NECAB1: variants seen among roughly 807,000 people sequenced by gnomAD.
NECAB1 encodes the protein N-terminal EF-hand calcium-binding protein 1.
Under a neutral mutation model 57.5 loss-of-function variants are expected in NECAB1, and 29 were observed. The ratio of observed to expected loss-of-function variants is 0.50; its 90% confidence interval spans 0.38 to 0.69. The LOEUF is 0.69. NECAB1 is among the 30% of genes least tolerant of loss of function. NECAB1 has a pLI of 0.00. For synonymous variants in NECAB1, 142 were observed against 147.7 expected (o/e 0.96, Z 0.28); for missense variants, 372 against 413.8 (o/e 0.90, Z 0.88).
At chr8:90,901,235 T>TAA (rs34105450) in intron 5 of NECAB1, among the ~76,000 whole-genome samples, 24,250 of 144,756 alleles carry the variant, frequency 0.17, 3,248 homozygotes, top group African/African-American at 0.38. Context: ...GTCTCTCTGT[T>TAA]AAAAAAAAAA....
At chr8:90,891,839 A>T (rs1355622127) in intron 5 of NECAB1, among the ~76,000 whole-genome samples, 1 of 151,972 alleles carries the variant, frequency 6.6e-6, no homozygotes, top group Non-Finnish European at 1.5e-5. Context: ...GACCACAGGA[A>T]CACACCACTG....
chr8:90,928,096 TA>T, intron 7 of NECAB1, 126 bp from the exon 8 acceptor site: 3 of 706,296 alleles, frequency 4.2e-6, no homozygotes, highest in South Asian at 1.8e-5. Flanking sequence ...GAATACATTT[TA>T]AAAAAATGAC....
intron 1 of NECAB1, among the ~76,000 whole-genome samples, chr8:90,796,619 G>A (rs77342955): frequency 6.6e-6 from 1 of 152,148 alleles, no homozygotes; most frequent in Non-Finnish European, 1.5e-5. Flanking sequence ...TTGAATTGTA[G>A]CGAAAACACA....
rs922146489 is a variant in NECAB1 at position 90,844,286 on chromosome 8, G to A, written c.233+19461G>A. ...CACTTGACCTTTGGTTAGTAGTTGA[G>A]GTAGGTCCCTGCACTTCCTCCTTTC... On this transcript the variant is annotated intron_variant, in intron 3 of 12. Transcript: ENST00000417640. 5.9e-5 allele frequency among the ~76,000 whole-genome samples: 9 copies of A among 152,212 alleles called. No homozygotes were observed. In the South Asian group the frequency reaches 8.3e-4, roughly 14 times the overall value.
chr8:90,844,021 CAGGT>C (rs1375246286), intron 3 of NECAB1, among the ~76,000 whole-genome samples: 1 of 152,148 alleles, frequency 6.6e-6, no homozygotes, highest in African/African-American at 2.4e-5. Flanking sequence ...TCATGAAACT[CAGGT>C]GGGTAGAAAA....
intron 5 of NECAB1, among the ~76,000 whole-genome samples, chr8:90,904,395 G>A (rs1487463829): frequency 6.6e-6 from 1 of 151,566 alleles, no homozygotes; most frequent in Admixed American, 6.6e-5. Context: ...GGAGAAATGA[G>A]CAAGATATAA....
chr8:90,948,129 G>A (rs1810851608), intron 10 of NECAB1, among the ~76,000 whole-genome samples: 1 of 152,062 alleles, frequency 6.6e-6, no homozygotes, highest in South Asian at 2.1e-4. Flanking sequence ...GTTATGTTTG[G>A]GGATTACATC....
intron 5 of NECAB1, among the ~76,000 whole-genome samples, chr8:90,896,571 C>G (rs1563523287): frequency 6.6e-6 from 1 of 152,022 alleles, no homozygotes; most frequent in South Asian, 2.1e-4. Context: ...TGCCACTGCA[C>G]TCCAGCCTGG....
intron 6 of NECAB1, among the ~76,000 whole-genome samples, chr8:90,918,102 C>T (rs1439729227): frequency 2.0e-5 from 3 of 150,406 alleles, no homozygotes; most frequent in Admixed American, 6.6e-5. Flanking sequence ...CTCTGCCTCC[C>T]GGGTTCAAGC....
At chr8:90,955,126 A>T (rs1472899134) in intron 12 of NECAB1, among the ~76,000 whole-genome samples, 1 of 130,090 alleles carries the variant, frequency 7.7e-6, no homozygotes, top group South Asian at 2.4e-4. Flanking sequence ...ATATATATAT[A>T]TATATATATA....
In NECAB1 at chr8:90,800,900, A is replaced by T. The variant is rs116063631; in HGVS notation, c.100-791A>T. On this transcript the variant is annotated intron_variant, in intron 1 of 12. Transcript: ENST00000417640. ...CCTAGGCCAAGCATGTAGGAAATGT[A>T]GGCTTTCCAGAAGAACATTAGAAAT... 7.0e-3 allele frequency among the ~76,000 whole-genome samples: 1,059 copies of T among 152,322 alleles called. 13 individuals are homozygous for T. Among genetic ancestry groups the T allele is most frequent in the African/African-American group, 0.024 (1,005 of 41,572 alleles).
intron 2 of NECAB1, among the ~76,000 whole-genome samples, chr8:90,804,650 A>T (rs1811818073): frequency 6.6e-6 from 1 of 152,212 alleles, no homozygotes; most frequent in Non-Finnish European, 1.5e-5. Context: ...TTGTCAATTT[A>T]TGATAACAAT....
At chr8:90,887,971 T>C (rs1809049726) in intron 5 of NECAB1, among the ~76,000 whole-genome samples, 1 of 152,224 alleles carries the variant, frequency 6.6e-6, no homozygotes, top group Admixed American at 6.5e-5. Flanking sequence ...ACTGCTGGTG[T>C]ACCCCAAATC....
At chr8:90,824,400 T>G (rs1812191774) in intron 2 of NECAB1, among the ~76,000 whole-genome samples, 1 of 151,840 alleles carries the variant, frequency 6.6e-6, no homozygotes, top group South Asian at 2.1e-4. Flanking sequence ...GTTGAGCTCT[T>G]TATTTGGTTA....
chr8:90,815,466 T>C (rs1812045688), intron 2 of NECAB1, among the ~76,000 whole-genome samples: 1 of 152,006 alleles, frequency 6.6e-6, no homozygotes, highest in Non-Finnish European at 1.5e-5. Context: ...TTTTGGCAAA[T>C]GCATGTTATA....
intron 5 of NECAB1, among the ~76,000 whole-genome samples, chr8:90,902,072 C>A (rs1007928113): frequency 2.0e-5 from 3 of 152,138 alleles, no homozygotes; most frequent in South Asian, 4.1e-4. Context: ...TATTCTTTCT[C>A]TTAAAAATAA....
chr8:90,927,803 T>C (rs1322975709), intron 7 of NECAB1, among the ~76,000 whole-genome samples: 2 of 146,870 alleles, frequency 1.4e-5, no homozygotes, highest in African/African-American at 5.3e-5. Flanking sequence ...CTTGCCCTTA[T>C]GGTTTTTTTT....
At chr8:90,831,931 A>G (rs1352586727) in intron 3 of NECAB1, among the ~76,000 whole-genome samples, 2 of 152,182 alleles carry the variant, frequency 1.3e-5, no homozygotes, top group African/African-American at 2.4e-5. Flanking sequence ...CTATTTGATT[A>G]TATCCTATAC....
At chr8:90,887,636 A>AATT (rs574611979) in intron 5 of NECAB1, among the ~76,000 whole-genome samples, 15 of 152,292 alleles carry the variant, frequency 9.8e-5, no homozygotes, top group Admixed American at 6.5e-4. Context: ...TGAGACTCAA[A>AATT]TGAGTCTCAA....
Sources: allele counts gnomAD v4.1 joint callset (sites outside exome capture counted in the v4.1 genomes callset), GRCh38; gene constraint gnomAD v4.1.1; transcripts MANE v1.5; gene names NCBI Gene and HGNC (gene_info 2026-07-23, HGNC 2026-07-21).